COG5: variants seen among roughly 807,000 people sequenced by gnomAD.
COG5 encodes conserved oligomeric Golgi complex subunit 5.
COG5 carries 86 observed loss-of-function variants against 110.4 expected under a neutral mutation model. The observed-to-expected ratio is 0.78, with a 90% CI of 0.65 to 0.93. The LOEUF (loss-of-function observed/expected upper bound fraction) is 0.93. COG5 is among the 40% of genes least tolerant of loss of function. COG5 has a pLI of 0.00. For missense variants in COG5, 1,077 were observed against 987.0 expected (o/e 1.09, Z -1.22); for synonymous variants, 360 against 334.6 (o/e 1.08, Z -0.83).
chr7:107,355,421 C>G (rs1477315818), intron 10 of COG5, among the ~76,000 whole-genome samples: 1 of 152,028 alleles, frequency 6.6e-6, no homozygotes, highest in Non-Finnish European at 1.5e-5. Flanking sequence ...ATGTATTTAC[C>G]CAAAAGAGAT....
At chr7:107,221,759 C>T (rs1232592656) in intron 19 of COG5, among the ~76,000 whole-genome samples, 23 of 143,902 alleles carry the variant, frequency 1.6e-4, no homozygotes, top group African/African-American at 6.1e-4. Context: ...AGTGAGACTC[C>T]GTCTCAAAAA....
chr7:107,393,477 T>C (rs1172014809), intron 7 of COG5, among the ~76,000 whole-genome samples: 1 of 152,240 alleles, frequency 6.6e-6, no homozygotes, highest in Admixed American at 6.5e-5. Flanking sequence ...GACCTACTGA[T>C]TTTATTTTGT....
intron 10 of COG5, among the ~76,000 whole-genome samples, chr7:107,347,394 A>G (rs1811718963): frequency 1.3e-5 from 2 of 152,196 alleles, no homozygotes; most frequent in Non-Finnish European, 2.9e-5. Context: ...AAGCAAGAAG[A>G]TATCACCCTT....
chr7:107,256,908 A>G, intron 15 of COG5, 114 bp from the exon 16 acceptor site: 1 of 728,048 alleles, frequency 1.4e-6, no homozygotes, highest in South Asian at 1.5e-5. Context: ...CAATATTATC[A>G]TTGCTTTACA....
At chr7:107,337,059 A>T (rs1358523764) in intron 10 of COG5, among the ~76,000 whole-genome samples, 1 of 152,222 alleles carries the variant, frequency 6.6e-6, no homozygotes, top group African/African-American at 2.4e-5. Context: ...TGTCAACATC[A>T]CTAATCATCA....
intron 12 of COG5, among the ~76,000 whole-genome samples, chr7:107,290,147 T>C (rs1584628291): frequency 6.6e-6 from 1 of 152,342 alleles, no homozygotes; most frequent in East Asian, 1.9e-4. Flanking sequence ...CCCTCTTCTT[T>C]CACATGTAAC....
intron 16 of COG5, among the ~76,000 whole-genome samples, chr7:107,256,213 G>T (rs1422879859): frequency 6.6e-6 from 1 of 152,108 alleles, no homozygotes; most frequent in African/African-American, 2.4e-5. Flanking sequence ...GTTTAAAGTA[G>T]GGTTTCTCAA....
chr7:107,265,856 A>G (rs779336787), intron 14 of COG5, among the ~76,000 whole-genome samples: 1 of 152,034 alleles, frequency 6.6e-6, no homozygotes, highest in Non-Finnish European at 1.5e-5. Flanking sequence ...GAAGTTTGAG[A>G]CCAACCTGAG....
intron 6 of COG5, among the ~76,000 whole-genome samples, chr7:107,509,289 G>T (rs1799299368): frequency 6.6e-6 from 1 of 152,156 alleles, no homozygotes; most frequent in Non-Finnish European, 1.5e-5. Context: ...CTGGAAGAAA[G>T]GGTACCAGTG....
At chr7:107,334,202 T>C (rs12538090) in intron 10 of COG5, among the ~76,000 whole-genome samples, 27,356 of 152,032 alleles carry the variant, frequency 0.18, 2,703 homozygotes, top group Non-Finnish European at 0.22. Flanking sequence ...ATCCACACTA[T>C]AGAATACTAT....
At chr7:107,338,569 G>A (rs114503344) in intron 10 of COG5, among the ~76,000 whole-genome samples, 2,210 of 152,194 alleles carry the variant, frequency 0.015, 53 homozygotes, top group African/African-American at 0.051. Context: ...AAAGCTCCAT[G>A]ACACTGGATT....
intron 11 of COG5, among the ~76,000 whole-genome samples, chr7:107,313,438 C>T (rs1041563293): frequency 6.6e-6 from 1 of 152,200 alleles, no homozygotes; most frequent in South Asian, 2.1e-4. Flanking sequence ...ATGAGTACCA[C>T]CATGTTGGAA....
intron 7 of COG5, among the ~76,000 whole-genome samples, chr7:107,409,466 C>T (rs890404418): frequency 6.6e-6 from 1 of 150,648 alleles, no homozygotes; most frequent in Non-Finnish European, 1.5e-5. Flanking sequence ...AGACTGGGGA[C>T]TATATGAGAA....
chr7:107,462,589 G>A lies in COG5; in HGVS notation c.539-49957C>T, dbSNP rs903733604. ...TTTGAGCACTGTTGAAAACACATTA[G>A]AACTAGGAGAAGAAAAATGCCTAAA... is the stretch of plus-strand genomic sequence containing the variant. On this transcript the variant is annotated intron_variant, in intron 6 of 21. Transcript: ENST00000297135. Among the ~76,000 whole-genome samples the A allele has an allele frequency of 3.6e-5, 4 of 111,252 alleles. No homozygotes were observed. In the East Asian group the frequency reaches 8.1e-4, roughly 23 times the overall value. The allele number at this position is 111,252 out of a possible 152,430, so 73.0% of individuals were successfully genotyped here. A position where few individuals can be genotyped will look rare whatever the true frequency, so the allele number is the denominator to read the frequency against.
intron 10 of COG5, among the ~76,000 whole-genome samples, chr7:107,347,296 A>G (rs1811707237): frequency 6.6e-6 from 1 of 152,202 alleles, no homozygotes; most frequent in Non-Finnish European, 1.5e-5. Flanking sequence ...AGTATGTGAT[A>G]TACAGGATTA....
chr7:107,360,839 G>T (rs1257154282), intron 10 of COG5, among the ~76,000 whole-genome samples: 1 of 152,214 alleles, frequency 6.6e-6, no homozygotes, highest in East Asian at 1.9e-4. Context: ...GTGGGGTCTG[G>T]GCTGGTAGTG....
At chr7:107,237,037 C>T (rs534377292) in intron 17 of COG5, among the ~76,000 whole-genome samples, 1 of 152,206 alleles carries the variant, frequency 6.6e-6, no homozygotes, top group Non-Finnish European at 1.5e-5. Flanking sequence ...TCCATCCACT[C>T]ACATGTTTTG....
At chr7:107,415,872 G>A (rs866268752) in intron 6 of COG5, among the ~76,000 whole-genome samples, 700 of 67,678 alleles carry the variant, frequency 0.01, 173 homozygotes, top group African/African-American at 0.038. Flanking sequence ...ACGTATGTAT[G>A]TATGTGTGTG....
At chr7:107,560,727 T>C (rs1378468093) in intron 1 of COG5, among the ~76,000 whole-genome samples, 1 of 152,236 alleles carries the variant, frequency 6.6e-6, no homozygotes, top group African/African-American at 2.4e-5. Context: ...TTTGTTCATA[T>C]GTAGGTTTTC....
Sources: allele counts gnomAD v4.1 joint callset (sites outside exome capture counted in the v4.1 genomes callset), GRCh38; gene constraint gnomAD v4.1.1; transcripts MANE v1.5; gene names NCBI Gene and HGNC (gene_info 2026-07-23, HGNC 2026-07-21).